Variants in DCDC2 observed in about 807,000 individuals in gnomAD.
The protein encoded by DCDC2 is doublecortin domain containing 2, also known as doublecortin domain-containing protein 2.
DCDC2 carries 40 observed loss-of-function variants against 50.2 expected under a neutral mutation model. The observed-to-expected ratio is 0.80, with a 90% CI of 0.62 to 1.04. The LOEUF (loss-of-function observed/expected upper bound fraction) is 1.04. Ranked by LOEUF, DCDC2 falls within the 50% of genes least tolerant of loss-of-function variation. DCDC2 has a pLI of 0.00. For synonymous variants in DCDC2, 234 were observed against 210.6 expected (o/e 1.11, Z -0.96); for missense variants, 570 against 581.9 (o/e 0.98, Z 0.21).
chr6:24,212,072 T>C (rs1482861723), intron 7 of DCDC2, among the ~76,000 whole-genome samples: 1 of 151,974 alleles, frequency 6.6e-6, no homozygotes, highest in Non-Finnish European at 1.5e-5. Flanking sequence ...GCAGCAGCAT[T>C]AGATTCTCAT....
intron 2 of DCDC2, among the ~76,000 whole-genome samples, chr6:24,351,184 C>T (rs79155776): frequency 1.7e-3 from 258 of 152,264 alleles, no homozygotes; most frequent in Non-Finnish European, 3.1e-3. Context: ...AACCCAAAAA[C>T]CTTTCTTTCT....
At chr6:24,190,456 C>T (rs1203623889) in intron 8 of DCDC2, among the ~76,000 whole-genome samples, 1 of 151,886 alleles carries the variant, frequency 6.6e-6, no homozygotes, top group Non-Finnish European at 1.5e-5. Flanking sequence ...TGCAGCACAC[C>T]AACATGGCAC....
intron 5 of DCDC2, among the ~76,000 whole-genome samples, chr6:24,290,424 T>G (rs1763720816): frequency 6.6e-6 from 1 of 152,184 alleles, no homozygotes; most frequent in Non-Finnish European, 1.5e-5. Context: ...CCTTAAAATT[T>G]TACATGAATT....
At chr6:24,369,504 G>T in the DCDC2 span, among the ~76,000 whole-genome samples, 3 of 151,964 alleles carry the variant, frequency 2.0e-5, no homozygotes, top group Non-Finnish European at 4.4e-5. Flanking sequence ...CAGCTACTCA[G>T]GAGGCTGAGG....
chr6:24,183,037 C>A (rs907537621), intron 8 of DCDC2, among the ~76,000 whole-genome samples: 2 of 152,078 alleles, frequency 1.3e-5, no homozygotes, highest in Non-Finnish European at 2.9e-5. Flanking sequence ...GTGAAATAAG[C>A]CAGTCACACA....
At chr6:24,244,715 C>T (rs1350185859) in intron 7 of DCDC2, among the ~76,000 whole-genome samples, 3 of 152,220 alleles carry the variant, frequency 2.0e-5, no homozygotes, top group Non-Finnish European at 1.5e-5. Flanking sequence ...CCCCGGGGTG[C>T]CCAAGCCTGA....
rs1166983340 is a variant in DCDC2 at position 24,357,919 on chromosome 6, C to G, written c.-169G>C. The G allele has an allele frequency of 3.9e-6, 6 of 1,522,982 alleles. No homozygotes were observed. In the Admixed American group the frequency reaches 8.8e-5, roughly 22 times the overall value. The allele number at this position is 1,522,982 out of a possible 1,614,324, so 94.3% of individuals were successfully genotyped here. A position where few individuals can be genotyped will look rare whatever the true frequency, so the allele number is the denominator to read the frequency against. ...ACGGCCGTGCGCCTAGGCGTCCACC[C>G]AGAGGAGACACTAGGAGCTTGCAGG... On this transcript the variant is annotated 5_prime_UTR_variant, in exon 1 of 10. Coordinates refer to ENST00000378454, the MANE Select transcript of DCDC2 (RefSeq NM_016356.5).
At chr6:24,212,956 TAG>T (rs958390899) in intron 7 of DCDC2, among the ~76,000 whole-genome samples, 3 of 152,206 alleles carry the variant, frequency 2.0e-5, no homozygotes, top group African/African-American at 7.2e-5. Context: ...TTTCTGCAAC[TAG>T]GACAGCTGAA....
At chr6:24,292,556 C>G (rs1763774516) in intron 4 of DCDC2, among the ~76,000 whole-genome samples, 1 of 152,168 alleles carries the variant, frequency 6.6e-6, no homozygotes, top group Non-Finnish European at 1.5e-5. Context: ...AACACTTAAC[C>G]CAGAATTCTA....
chr6:24,341,331 A>C (rs2127248272), intron 2 of DCDC2, among the ~76,000 whole-genome samples: 1 of 152,352 alleles, frequency 6.6e-6, no homozygotes, highest in South Asian at 2.1e-4. Flanking sequence ...TTATTTCAAC[A>C]AACCAAACAT....
intron 7 of DCDC2, among the ~76,000 whole-genome samples, chr6:24,251,030 G>C (rs1762782846): frequency 6.6e-6 from 1 of 152,162 alleles, no homozygotes; most frequent in African/African-American, 2.4e-5. Context: ...ATAGCATAAG[G>C]AAAGGCAATT....
At chr6:24,244,551 G>T (rs947946437) in intron 7 of DCDC2, among the ~76,000 whole-genome samples, 1 of 152,158 alleles carries the variant, frequency 6.6e-6, no homozygotes, top group Non-Finnish European at 1.5e-5. Flanking sequence ...TCTGCATCTG[G>T]AAGGCAAGGG....
rs57175093 is a variant in DCDC2 at position 24,318,780 on chromosome 6, C to CGTGTGTGTGTGTGTGTGTGTGTGT, written c.349-16737_349-16736insACACACACACACACACACACACAC. ...AATAATATTCCGTTTTATATACGTA[C>CGTGTGTGTGTGTGTGTGTGTGTGT]GTGTGTGTGTGTGTGTGTGTATTAT... On this transcript the variant is annotated intron_variant, in intron 2 of 9. Transcript: ENST00000378454. Among the ~76,000 whole-genome samples, 715 of 149,652 alleles carry CGTGTGTGTGTGTGTGTGTGTGTGT rather than the reference C, an allele frequency of 4.8e-3. 7 individuals carry two copies. The highest frequency in any genetic ancestry group is 0.017 in the African/African-American group (678 of 40,570).
intron 7 of DCDC2, among the ~76,000 whole-genome samples, chr6:24,223,037 T>C (rs1762152586): frequency 6.6e-6 from 1 of 152,216 alleles, no homozygotes; most frequent in African/African-American, 2.4e-5. Flanking sequence ...AAAAAGTCAG[T>C]GGCCAAATGA....
chr6:24,182,629 G>GAAAAGAA (rs1554142849), intron 8 of DCDC2, among the ~76,000 whole-genome samples: 1 of 105,942 alleles, frequency 9.4e-6, no homozygotes, highest in Admixed American at 1.1e-4. Flanking sequence ...ATGATGACAA[G>GAAAAGAA]AAAAAAAAAA....
chr6:24,196,260 T>C (rs942054477), intron 8 of DCDC2, among the ~76,000 whole-genome samples: 1 of 152,062 alleles, frequency 6.6e-6, no homozygotes, highest in South Asian at 2.1e-4. Context: ...CTCAGATCAC[T>C]TGTCTGCCTT....
chr6:24,265,625 A>C (rs139764345), intron 7 of DCDC2, among the ~76,000 whole-genome samples: 15 of 152,298 alleles, frequency 9.8e-5, no homozygotes, highest in African/African-American at 3.4e-4. Context: ...AAACTGTACA[A>C]GTACATGGAA....
intron 2 of DCDC2, among the ~76,000 whole-genome samples, chr6:24,326,186 GAAGGAAGA>G (rs1438371796): frequency 1.4e-5 from 2 of 140,616 alleles, no homozygotes; most frequent in Non-Finnish European, 3.2e-5. Context: ...AGGAAGGAAG[GAAGGAAGA>G]AAGGAAGGAA....
At chr6:24,245,157 G>T (rs1442854470) in intron 7 of DCDC2, among the ~76,000 whole-genome samples, 1 of 152,192 alleles carries the variant, frequency 6.6e-6, no homozygotes, top group African/African-American at 2.4e-5. Flanking sequence ...TCATGCCACT[G>T]CACTCCAGCC....
Sources: allele counts gnomAD v4.1 joint callset (sites outside exome capture counted in the v4.1 genomes callset), GRCh38; gene constraint gnomAD v4.1.1; transcripts MANE v1.5; gene names NCBI Gene and HGNC (gene_info 2026-07-23, HGNC 2026-07-21).